The following MAGI1 variants were observed in gnomAD, a reference collection of about 807,000 sequenced individuals.
MAGI1 encodes the protein membrane associated guanylate kinase, WW and PDZ domain containing 1.
In MAGI1, 58 loss-of-function variants were observed where a neutral mutation model predicts 139.9. That is an observed-to-expected ratio of 0.41 (90% CI 0.34 to 0.52). The LOEUF is 0.52. Ranked by LOEUF, MAGI1 falls within the 20% of genes least tolerant of loss-of-function variation. The pLI is 0.12. For synonymous variants in MAGI1, 812 were observed against 737.9 expected, an observed-to-expected ratio of 1.10 and a Z score of -1.63; for missense variants, 1,874 against 1,901.6, an observed-to-expected ratio of 0.99 and a Z score of 0.27.
At chr3:65,359,687 C>T in intron 22 of MAGI1, 1 of 987,374 alleles carries the variant, frequency 1.0e-6, no homozygotes, top group Non-Finnish European at 1.2e-6. Flanking sequence ...CCAAGTGACG[C>T]ATGGAGACAT....
intron 2 of MAGI1, among the ~76,000 whole-genome samples, chr3:65,537,676 C>T (rs1461319520): frequency 6.6e-6 from 1 of 152,102 alleles, no homozygotes; most frequent in Non-Finnish European, 1.5e-5. Context: ...GACCTCCCAA[C>T]TTTTCGCCTT....
chr3:65,698,592 C>A (rs1344681596), intron 1 of MAGI1, among the ~76,000 whole-genome samples: 1 of 152,120 alleles, frequency 6.6e-6, no homozygotes, highest in African/African-American at 2.4e-5. Context: ...ACTATCTGAT[C>A]TTTGACAAAC....
chr3:66,024,316 A>T (rs1361540890), intron 1 of MAGI1, among the ~76,000 whole-genome samples: 3 of 29,706 alleles, frequency 1.0e-4, no homozygotes, highest in East Asian at 4.5e-4. Flanking sequence ...AAAGTTCATT[A>T]AAAAAAAAAA....
chr3:65,486,313 T>C (rs1951633240), intron 3 of MAGI1, among the ~76,000 whole-genome samples: 2 of 152,172 alleles, frequency 1.3e-5, no homozygotes, highest in African/African-American at 4.8e-5. Context: ...ACCTTTGCAA[T>C]GCTCAAAGTG....
intron 1 of MAGI1, among the ~76,000 whole-genome samples, chr3:65,986,193 T>C (rs901679475): frequency 2.6e-5 from 4 of 152,220 alleles, no homozygotes; most frequent in African/African-American, 4.8e-5. Context: ...AATTGGCACA[T>C]GAAACTTATA....
chr3:65,707,453 A>G (rs1425682182), intron 1 of MAGI1, among the ~76,000 whole-genome samples: 1 of 152,100 alleles, frequency 6.6e-6, no homozygotes, highest in Non-Finnish European at 1.5e-5. Context: ...TGGGAGGCCG[A>G]GCCAGGTGAT....
At chr3:65,972,545 G>A (rs752627780) in intron 1 of MAGI1, among the ~76,000 whole-genome samples, 13 of 151,994 alleles carry the variant, frequency 8.6e-5, no homozygotes, top group East Asian at 7.7e-4. Context: ...ATCTTTACTC[G>A]GCCAGAGCCA....
At position 65,918,538 on chromosome 3, in the gene MAGI1, G is replaced by A. The variant is rs546370310; in HGVS notation, c.313+119458C>T. Reference sequence around the variant, plus strand: ...TGGGATTACAGGTGTGCACCACCACGCCCAGCTAATTTTTGTATTTTTAGT... The same window carrying A: ...TGGGATTACAGGTGTGCACCACCACACCCAGCTAATTTTTGTATTTTTAGT... On this transcript the variant is annotated intron_variant, in intron 1 of 22. Transcript: ENST00000402939. Among the ~76,000 whole-genome samples the A allele has an allele frequency of 5.9e-5, 9 of 152,024 alleles. No individual in the cohort carries two copies. In the East Asian group the frequency reaches 7.8e-4, roughly 13 times the overall value.
chr3:65,840,872 C>G (rs6445509), intron 1 of MAGI1, among the ~76,000 whole-genome samples: 86,914 of 152,036 alleles, frequency 0.57, 25,548 homozygotes, highest in East Asian at 0.94. Flanking sequence ...GCTATTAATT[C>G]TTTTTTAGAC....
Position 65,356,720 on chromosome 3 carries a change from G to C in MAGI1, c.4047C>G (p.Val1349=). 2 of 1,593,322 alleles carry C rather than the reference G, an allele frequency of 1.3e-6. No individual in the cohort carries two copies. Among genetic ancestry groups the C allele is most frequent in the Non-Finnish European group, 8.5e-7 (1 of 1,170,576 alleles). The change falls in exon 23 of 23, where the codon GTC becomes GTG. Residue 1349 remains valine, a synonymous_variant. Coordinates refer to ENST00000402939, the MANE Select transcript of MAGI1 (RefSeq NM_001033057.2). ...ACCGCTCTCGCCTCCGCTCCGGAGA[G>C]ACGTCTCGTCTCTTCTCGTGCTTCT... ...RREKHEKRRD[V]SPERRRERSP... is the part of the protein sequence containing the mutation.
chr3:65,870,640 G>A (rs2059905663), intron 1 of MAGI1, among the ~76,000 whole-genome samples: 1 of 150,216 alleles, frequency 6.7e-6, no homozygotes. Context: ...GAGAGAGGCA[G>A]GGTGGGGGGG....
intron 1 of MAGI1, among the ~76,000 whole-genome samples, chr3:65,968,787 T>C (rs1443467440): frequency 1.3e-5 from 2 of 152,108 alleles, no homozygotes; most frequent in East Asian, 1.9e-4. Context: ...TTAAATTACA[T>C]ATATACGAAT....
At chr3:65,767,329 G>A (rs2037569813) in intron 1 of MAGI1, among the ~76,000 whole-genome samples, 1 of 151,876 alleles carries the variant, frequency 6.6e-6, no homozygotes, top group South Asian at 2.1e-4. Context: ...CTTTAGGCCA[G>A]GGCAGTGGCT....
At chr3:65,672,076 C>A (rs1199067645) in intron 1 of MAGI1, among the ~76,000 whole-genome samples, 3 of 152,120 alleles carry the variant, frequency 2.0e-5, no homozygotes, top group African/African-American at 7.2e-5. Flanking sequence ...GTGGTTGCTG[C>A]ATTCCTGGGT....
In MAGI1 at chr3:65,715,569, C is replaced by T. The variant is rs77743246; in HGVS notation, c.314-93481G>A. 0.014 allele frequency among the ~76,000 whole-genome samples: 2,200 copies of T among 152,232 alleles called. 178 individuals carry two copies. The East Asian group carries it at 0.26, about 18-fold the overall frequency. ...GATTACCACTTACTCCTAGGGGTCACGTGCACAATCCAGGGAAGGAAATGG... is the reference window on the plus strand; with the variant it reads ...GATTACCACTTACTCCTAGGGGTCATGTGCACAATCCAGGGAAGGAAATGG... On this transcript the variant is annotated intron_variant, in intron 1 of 22. Transcript: ENST00000402939.
intron 1 of MAGI1, among the ~76,000 whole-genome samples, chr3:65,789,269 A>G (rs1034959783): frequency 1.3e-5 from 2 of 152,210 alleles, no homozygotes; most frequent in African/African-American, 4.8e-5. Context: ...ATAAAGTAGT[A>G]AGATAGTGCC....
chr3:65,555,884 C>T (rs1009535740), intron 2 of MAGI1, among the ~76,000 whole-genome samples: 7 of 152,098 alleles, frequency 4.6e-5, no homozygotes, highest in African/African-American at 7.2e-5. Context: ...AAACCAAACA[C>T]GCTTGATACA....
intron 1 of MAGI1, among the ~76,000 whole-genome samples, chr3:65,957,827 G>A (rs2064211706): frequency 6.6e-6 from 1 of 152,094 alleles, no homozygotes; most frequent in African/African-American, 2.4e-5. Flanking sequence ...GGAGTACAGT[G>A]GTATGATCTT....
At chr3:65,918,879 T>A (rs2108722588) in intron 1 of MAGI1, among the ~76,000 whole-genome samples, 1 of 152,252 alleles carries the variant, frequency 6.6e-6, no homozygotes, top group East Asian at 1.9e-4. Flanking sequence ...AGGAGTTCAA[T>A]TATACTGCAG....
Sources: allele counts gnomAD v4.1 joint callset (sites outside exome capture counted in the v4.1 genomes callset), GRCh38; gene constraint gnomAD v4.1.1; transcripts MANE v1.5; gene names NCBI Gene and HGNC (gene_info 2026-07-23, HGNC 2026-07-21).